Variants in RUFY1 observed in about 807,000 individuals in gnomAD.
RUFY1 encodes the protein RUN and FYVE domain-containing protein 1.
In RUFY1, 54 loss-of-function variants were observed where a neutral mutation model predicts 94.6. The ratio of observed to expected loss-of-function variants is 0.57; its 90% CI spans 0.46 to 0.72. The LOEUF (loss-of-function observed/expected upper bound fraction) is 0.72, where lower values mean the gene tolerates loss of function less well. Among genes scored for constraint, RUFY1 ranks in the 30% least tolerant of loss-of-function variants. The pLI is 0.00. For missense variants in RUFY1, 883 were observed against 883.9 expected (o/e 1.00, Z 0.01); for synonymous variants, 396 against 347.3 (o/e 1.14, Z -1.56).
chr5:179,550,574 C>T lies in RUFY1; in HGVS notation c.5C>T (p.Ala2Val). 11 of 1,215,818 alleles carry T rather than the reference C, an allele frequency of 9.0e-6. No individual in the cohort carries two copies. The highest frequency in any genetic ancestry group is 1.1e-5 in the Non-Finnish European group (11 of 972,264). The allele number at this position is 1,215,818 out of a possible 1,614,324, so 75.3% of individuals were successfully genotyped here. A position where few individuals can be genotyped will look rare whatever the true frequency, so the allele number is the denominator to read the frequency against. MADREGGCAAGR... is the reference protein window; with the variant it reads MVDREGGCAAGR... ...GGGTCACATGACACGGCCAAGATGG[C>T]CGACCGGGAAGGCGGCTGCGCTGCT... The change falls in exon 1 of 18, where the codon GCC becomes GTC. Residue 2 changes from alanine (A) to valine (V), a missense_variant. Ala to Val is a moderately conservative substitution (Grantham distance 64). Transcript: ENST00000319449.
At chr5:179,605,964 G>C (rs762931834) in intron 16 of RUFY1, 40 bp downstream of exon 16, 1 of 1,362,550 alleles carries the variant, frequency 7.3e-7, no homozygotes, top group African/African-American at 1.4e-5. Flanking sequence ...CTGTCAGCTT[G>C]TGCTGACTGC....
At chr5:179,573,457 G>A (rs1431945204) in intron 5 of RUFY1, among the ~76,000 whole-genome samples, 1 of 152,036 alleles carries the variant, frequency 6.6e-6, no homozygotes, top group Non-Finnish European at 1.5e-5. Flanking sequence ...TGAGGGATGC[G>A]GTTTCTCACG....
intron 12 of RUFY1, among the ~76,000 whole-genome samples, chr5:179,595,535 T>TTTTG (rs200317942): frequency 2.0e-5 from 3 of 151,376 alleles, no homozygotes; most frequent in African/African-American, 7.3e-5. Flanking sequence ...CTTTTTGGTT[T>TTTTG]TTTGTTTGTT....
At chr5:179,602,437 C>CT (rs1301091650) in intron 15 of RUFY1, 1 of 159,874 alleles carries the variant, frequency 6.3e-6, no homozygotes, top group Non-Finnish European at 1.4e-5. Context: ...CCGCCAGAGT[C>CT]TGTCTGTCTC....
At chr5:179,587,652 G>A (rs1364309188) in intron 8 of RUFY1, among the ~76,000 whole-genome samples, 7 of 149,258 alleles carry the variant, frequency 4.7e-5, no homozygotes, top group Non-Finnish European at 3.0e-5. Flanking sequence ...TGCCCACCTC[G>A]GCCTCCCAAA....
rs115298411 is a variant in RUFY1, at chr5:179,553,739, G to A, written c.310+2860G>A. Among the ~76,000 whole-genome samples the A allele has an allele frequency of 5.2e-3, 789 of 152,220 alleles. 11 individuals are homozygous for A. The highest frequency in any genetic ancestry group is 0.018 in the African/African-American group (753 of 41,526). On this transcript the variant is annotated intron_variant, in intron 1 of 17. Transcript: ENST00000319449. ...TAAGAGGCGGAGTTTGCAGTGAGCC[G>A]AGACCATTCCACTGCAGTCCAGCCT...
chr5:179,571,086 C>T (rs1763194046), intron 5 of RUFY1, among the ~76,000 whole-genome samples: 1 of 152,130 alleles, frequency 6.6e-6, no homozygotes, highest in Admixed American at 6.5e-5. Context: ...ACAATATGTT[C>T]CACACAGTTC....
intron 14 of RUFY1, among the ~76,000 whole-genome samples, chr5:179,600,396 C>T (rs991224560): frequency 3.9e-5 from 6 of 152,178 alleles, no homozygotes; most frequent in Non-Finnish European, 5.9e-5. Flanking sequence ...GAACTCCCTC[C>T]GTGCAGGGCT....
At chr5:179,567,043 ACT>A (rs753144527) in intron 3 of RUFY1, among the ~76,000 whole-genome samples, 4 of 151,990 alleles carry the variant, frequency 2.6e-5, no homozygotes, top group Admixed American at 6.6e-5. Context: ...AACAGGCAAG[ACT>A]CTATCTCAAA....
chr5:179,591,494 CT>C, intron 9 of RUFY1, 130 bp from the exon 10 acceptor site: 1 of 678,022 alleles, frequency 1.5e-6, no homozygotes. Context: ...AAGTTTTAAC[CT>C]TTTTCTACCA....
At chr5:179,592,919 G>C (rs771240402) in intron 10 of RUFY1, among the ~76,000 whole-genome samples, 1 of 152,144 alleles carries the variant, frequency 6.6e-6, no homozygotes, top group Non-Finnish European at 1.5e-5. Context: ...ATGGTTGCTG[G>C]AACCTAGGCT....
chr5:179,553,653 G>A lies in RUFY1; in HGVS notation c.310+2774G>A, dbSNP rs1391087904. ...AAAAGTACAAAAATTAGCCGGGCTT[G>A]GTGGTACGCACCTGTAATCCCAGCT... On this transcript the variant is annotated intron_variant, in intron 1 of 17. Coordinates refer to ENST00000319449, the MANE Select transcript of RUFY1 (RefSeq NM_025158.5). Among the ~76,000 whole-genome samples, 3 of 152,036 alleles carry A rather than the reference G, an allele frequency of 2.0e-5. No homozygotes were observed. In the East Asian group the frequency reaches 5.8e-4, roughly 29 times the overall value.
Position 179,609,401 on chromosome 5 carries a change from T to TC in RUFY1, c.2010dup (p.Phe671LeufsTer138). ...CACCACTGCCGGAACTGTGGCCACATCTTCTGCAACACCTGCTCCAGCAAC... is the reference window on the plus strand; with the variant it reads ...CACCACTGCCGGAACTGTGGCCACATCCTTCTGCAACACCTGCTCCAGCAAC... On this transcript the variant is annotated frameshift_variant, in exon 18 of 18. Coordinates refer to ENST00000319449, the MANE Select transcript of RUFY1 (RefSeq NM_025158.5). LOFTEE classifies it high-confidence loss of function. 6.2e-7 allele frequency: 1 copy of TC among 1,613,532 alleles called. No homozygotes were observed. Among genetic ancestry groups the TC allele is most frequent in the Middle Eastern group, 1.7e-4 (1 of 6,058 alleles).
At chr5:179,581,685 T>A (rs992822542) in intron 7 of RUFY1, among the ~76,000 whole-genome samples, 3 of 146,414 alleles carry the variant, frequency 2.0e-5, no homozygotes, top group East Asian at 2.0e-4. Context: ...TTTTTACTTT[T>A]CTTTTTTTTT....
intron 1 of RUFY1, among the ~76,000 whole-genome samples, chr5:179,554,937 C>T (rs13179470): frequency 0.4 from 61,255 of 151,492 alleles, 12,820 homozygotes; most frequent in East Asian, 0.69. Context: ...CACTGCACTC[C>T]AGCCTGGGTG....
Position 179,594,947 on chromosome 5 carries a change from A to C in RUFY1, c.1495A>C (p.Lys499Gln), listed in dbSNP as rs1333263977. Reference protein sequence around the residue: ...GKTNQVMSSMKQMEERLQHSE... With the variant: ...GKTNQVMSSMQQMEERLQHSE... ...AACCAACCAAGTTATGTCCAGCATG[A>C]AACAAATGGAAGAAAGGTAATCACT... Residue 499 changes from lysine to glutamine, a missense_variant, in exon 12 of 18, where the codon AAA becomes CAA. Coordinates refer to ENST00000319449, the MANE Select transcript of RUFY1 (RefSeq NM_025158.5). 1 of 1,609,060 alleles carries C rather than the reference A, an allele frequency of 6.2e-7. No individual in the cohort carries two copies. The highest frequency in any genetic ancestry group is 1.7e-5 in the Admixed American group (1 of 59,944).
intron 7 of RUFY1, among the ~76,000 whole-genome samples, chr5:179,582,972 A>G (rs1764278456): frequency 6.6e-6 from 1 of 152,146 alleles, no homozygotes; most frequent in East Asian, 1.9e-4. Flanking sequence ...GCCTGGGAAC[A>G]GCTAGCTTCT....
intron 5 of RUFY1, among the ~76,000 whole-genome samples, chr5:179,570,687 C>A (rs769899915): frequency 6.6e-6 from 1 of 152,126 alleles, no homozygotes; most frequent in Non-Finnish European, 1.5e-5. Flanking sequence ...TAGCAAAATT[C>A]CCAGCCTTTT....
intron 4 of RUFY1, among the ~76,000 whole-genome samples, chr5:179,568,760 G>A (rs1322463063): frequency 6.6e-6 from 1 of 152,192 alleles, no homozygotes; most frequent in Non-Finnish European, 1.5e-5. Context: ...TGGCCTGGAT[G>A]CCACTGGATT....
Sources: gnomAD v4.1 joint callset for allele counts (sites outside exome capture counted in the v4.1 genomes callset) on GRCh38, gnomAD v4.1.1 for gene constraint, MANE v1.5 for transcripts, NCBI Gene and HGNC (gene_info 2026-07-23, HGNC 2026-07-21) for gene names.